SUPT6H: variants seen among roughly 807,000 people sequenced by gnomAD.
SUPT6H encodes transcription elongation factor SPT6.
SUPT6H carries 11 observed loss-of-function variants against 222.3 expected under a neutral mutation model. The observed-to-expected ratio is 0.05, with a 90% CI of 0.03 to 0.08. SUPT6H has a LOEUF of 0.08. Among genes scored for constraint, SUPT6H ranks in the 10% least tolerant of loss-of-function variants. SUPT6H has a pLI of 1.00. For synonymous variants in SUPT6H, 762 were observed against 801.2 expected (o/e 0.95, Z 0.83); for missense variants, 1,422 against 2,216.0 (o/e 0.64, Z 7.19).
chr17:28,676,956 C>A (rs751992340), intron 7 of SUPT6H, among the ~76,000 whole-genome samples: 1 of 151,978 alleles, frequency 6.6e-6, no homozygotes, highest in East Asian at 1.9e-4. Flanking sequence ...TGGCCAGGCA[C>A]GGTGGTTCAC....
chr17:28,686,693 A>G lies in SUPT6H; in HGVS notation c.2604A>G (p.Val868=). 1 of 1,610,122 alleles carries G rather than the reference A, an allele frequency of 6.2e-7. No individual in the cohort carries two copies. Among genetic ancestry groups the G allele is most frequent in the African/African-American group, 1.3e-5 (1 of 74,780 alleles). The change falls in exon 21 of 37, where the codon GTA becomes GTG. Residue 868 remains valine, a synonymous_variant. Coordinates refer to ENST00000314616, the MANE Select transcript of SUPT6H (RefSeq NM_003170.5). ...QMLIEDVKRI[V]HELDQGQQLS... is the part of the protein sequence containing the mutation. ...TGATTGAAGATGTGAAGCGCATTGT[A>G]CATGAGCTGGACCAGGGCCAGCAGC... is the stretch of plus-strand genomic sequence containing the variant.
chr17:28,683,706 C>A lies in SUPT6H; in HGVS notation c.2119C>A (p.Arg707=), dbSNP rs202102350. The A allele has an allele frequency of 2.5e-6, 4 of 1,614,132 alleles. No individual in the cohort carries two copies. The African/African-American group carries it at 5.3e-5, about 22-fold the overall frequency. Reference sequence around the variant, plus strand: ...CAGCCACCAGGTGCAGGAGTGGAACCGGCAGCGCACCATGGCCATCGAACG... The same window carrying A: ...CAGCCACCAGGTGCAGGAGTGGAACAGGCAGCGCACCATGGCCATCGAACG... ...EFSHQVQEWN[R]QRTMAIERAL... is the part of the protein sequence containing the mutation. The change falls in exon 17 of 37, where the codon CGG becomes AGG. Residue 707 remains arginine (R), a synonymous_variant. Coordinates refer to ENST00000314616, the MANE Select transcript of SUPT6H (RefSeq NM_003170.5).
In SUPT6H at chr17:28,701,247, A is replaced by G; in HGVS notation, c.4994+119A>G. 3 of 1,436,394 alleles carry G rather than the reference A, an allele frequency of 2.1e-6. No homozygotes were observed. The South Asian group carries it at 4.0e-5, about 19-fold the overall frequency. 89.0% of individuals were successfully genotyped at this position (1,436,394 alleles called of 1,614,324 possible). Reference sequence around the variant, plus strand: ...CCTCTGAGGGCCCTGACCACATGATATGCCAGGAACACTAGTTTCTGGGTG... The same window carrying G: ...CCTCTGAGGGCCCTGACCACATGATGTGCCAGGAACACTAGTTTCTGGGTG... On this transcript the variant is annotated intron_variant, in intron 36 of 36. Transcript: ENST00000314616.
chr17:28,679,104 G>T (rs2030931704), intron 11 of SUPT6H, 141 bp downstream of exon 11: 7 of 1,110,050 alleles, frequency 6.3e-6, no homozygotes, highest in Admixed American at 2.5e-5. Context: ...AGGCACAGTG[G>T]CTCATGCCTG....
chr17:28,682,945 G>A lies in SUPT6H; in HGVS notation c.1731G>A (p.Gln577=). ...LELAKDYVCS[Q]FPTPEAVLEG... ...AGCTGCACCATTTTCCCCACAGCCAGTTCCCTACTCCAGAAGCTGTGCTAG... is the reference window on the plus strand; with the variant it reads ...AGCTGCACCATTTTCCCCACAGCCAATTCCCTACTCCAGAAGCTGTGCTAG... The change falls in exon 15 of 37, where the codon CAG becomes CAA. Residue 577 remains glutamine, a synonymous_variant. Transcript: ENST00000314616. 1 of 1,611,864 alleles carries A rather than the reference G, an allele frequency of 6.2e-7. No homozygotes were observed. The highest frequency in any genetic ancestry group is 8.5e-7 in the Non-Finnish European group (1 of 1,178,600).
At chr17:28,695,325 T>C in intron 28 of SUPT6H, 27 bp from the exon 29 acceptor site, 1 of 1,604,934 alleles carries the variant, frequency 6.2e-7, no homozygotes, top group Non-Finnish European at 8.5e-7. Context: ...CTTTGTCCCT[T>C]CCAGCTCAAA....
At chr17:28,684,474 G>A in intron 17 of SUPT6H, 112 bp from the exon 18 acceptor site, 1 of 1,316,736 alleles carries the variant, frequency 7.6e-7, no homozygotes, top group East Asian at 2.3e-5. Context: ...CTGCACATAA[G>A]AGTACACACC....
chr17:28,683,762 G>A lies in SUPT6H; in HGVS notation c.2175G>A (p.Met725Ile), dbSNP rs1486883903. ...TACAGCAGTTCCTCTATGTGCAGAT[G>A]GCCAAAGAACTCAAGAACAAGCTGC... is the stretch of plus-strand genomic sequence containing the variant. ...RALQQFLYVQ[M>I]AKELKNKLLA... Residue 725 changes from methionine to isoleucine, a missense_variant, in exon 17 of 37, where the codon ATG (methionine) becomes ATA (isoleucine). Met to Ile is a conservative substitution (Grantham distance 10). This residue lies in a region of SUPT6H where 294 missense variants were observed against 382.1 expected (regional missense o/e 0.77). Transcript: ENST00000314616. 1 of 1,613,990 alleles carries A rather than the reference G, an allele frequency of 6.2e-7. No homozygotes were observed. Among genetic ancestry groups the A allele is most frequent in the South Asian group, 1.1e-5 (1 of 91,072 alleles).
intron 6 of SUPT6H, among the ~76,000 whole-genome samples, 189 bp downstream of exon 6, chr17:28,675,674 A>G (rs1011096475): frequency 2.6e-5 from 4 of 152,110 alleles, no homozygotes; most frequent in African/African-American, 9.7e-5. Context: ...CTGTCTCTGC[A>G]CTCTAGGACT....
intron 1 of SUPT6H, chr17:28,670,351 G>T (rs1438963453): frequency 6.6e-6 from 1 of 152,188 alleles, no homozygotes; most frequent in Non-Finnish European, 1.5e-5. Flanking sequence ...TAGGGTATTT[G>T]TTAGTGTCTG....
At chr17:28,701,168 G>A (rs2032114356) in intron 36 of SUPT6H, 40 bp downstream of exon 36, 6 of 1,565,272 alleles carry the variant, frequency 3.8e-6, no homozygotes, top group Non-Finnish European at 5.2e-6. Flanking sequence ...GTCAGTGGTA[G>A]GGGCAGGTGT....
chr17:28,683,967 C>G (rs2031253343), intron 17 of SUPT6H, 151 bp downstream of exon 17: 1 of 586,232 alleles, frequency 1.7e-6, no homozygotes, highest in African/African-American at 1.9e-5. Context: ...TCCCGAGTAC[C>G]TGGGACTACA....
Position 28,682,841 on chromosome 17 carries a change from A to G in SUPT6H, c.1712A>G (p.Lys571Arg). Residue 571 changes from lysine to arginine, a missense_variant, in exon 14 of 37, where the codon AAG becomes AGG. Physicochemically the swap from Lys to Arg is conservative, Grantham distance 26. Around this residue, in one of 13 missense-constraint regions of SUPT6H, gnomAD observed 121 missense variants for 158.0 expected, o/e 0.77. Transcript: ENST00000314616. ...QFPAEPLELA[K>R]DYVCSQFPTP... ...CCCGCGGAGCCCTTGGAGCTGGCCA[A>G]GGATTACGTTTGCAGGTAGGCATGC... 6.2e-7 allele frequency: 1 copy of G among 1,614,186 alleles called. No homozygotes were observed.
At chr17:28,664,360 T>A (rs1439002369) in intron 1 of SUPT6H, among the ~76,000 whole-genome samples, 1 of 152,094 alleles carries the variant, frequency 6.6e-6, no homozygotes, top group Non-Finnish European at 1.5e-5. Flanking sequence ...ATACAAAAAC[T>A]AGCCGGGCGT....
In SUPT6H at chr17:28,692,812, T is replaced by C. The variant is rs1296147978; in HGVS notation, c.3634-884T>C. 2.0e-5 allele frequency among the ~76,000 whole-genome samples: 3 copies of C among 146,634 alleles called. 1 individual carries two copies. The highest frequency in any genetic ancestry group is 7.6e-5 in the African/African-American group (3 of 39,252). On this transcript the variant is annotated intron_variant, in intron 27 of 36. Coordinates refer to ENST00000314616, the MANE Select transcript of SUPT6H (RefSeq NM_003170.5). Reference sequence around the variant, plus strand: ...GTCAGGAGATCGAGGCCATCCTGGCTAACACAGTGAAACCCCATCTCTACT... The same window carrying C: ...GTCAGGAGATCGAGGCCATCCTGGCCAACACAGTGAAACCCCATCTCTACT...
chr17:28,668,991 A>C (rs2030254774), intron 1 of SUPT6H, among the ~76,000 whole-genome samples: 1 of 152,200 alleles, frequency 6.6e-6, no homozygotes, highest in African/African-American at 2.4e-5. Context: ...GGGTCTTTAC[A>C]GTCACTCCTC....
intron 17 of SUPT6H, among the ~76,000 whole-genome samples, chr17:28,684,221 C>G (rs995987650): frequency 1.3e-5 from 2 of 151,840 alleles, no homozygotes; most frequent in African/African-American, 2.4e-5. Flanking sequence ...TGAAGGAACC[C>G]CTTAGGAATA....
intron 1 of SUPT6H, among the ~76,000 whole-genome samples, chr17:28,668,360 C>T (rs574332602): frequency 3.7e-4 from 57 of 152,254 alleles, no homozygotes; most frequent in African/African-American, 1.0e-3. Flanking sequence ...GAGTAGTTCC[C>T]GCTTGTCAGT....
At chr17:28,686,946 G>C (rs1352496351) in intron 21 of SUPT6H, 142 bp from the exon 22 acceptor site, 1 of 1,482,874 alleles carries the variant, frequency 6.7e-7, no homozygotes, top group Non-Finnish European at 9.1e-7. Flanking sequence ...TTCAGATTGG[G>C]AGTCCCAGAA....
Sources: gnomAD v4.1 joint callset for allele counts (sites outside exome capture counted in the v4.1 genomes callset) on GRCh38, gnomAD v4.1.1 for gene constraint, gnomAD v4.1.1 regional missense constraint, MANE v1.5 for transcripts, NCBI Gene and HGNC (gene_info 2026-07-23, HGNC 2026-07-21) for gene names.